GALNT13: variants seen among roughly 807,000 people sequenced by gnomAD.
GALNT13 encodes polypeptide N-acetylgalactosaminyltransferase 13.
In GALNT13, 28 loss-of-function variants were observed where a neutral mutation model predicts 64.2. The observed-to-expected ratio is 0.44, with a 90% CI of 0.32 to 0.60. The LOEUF (loss-of-function observed/expected upper bound fraction) is 0.60, where lower values mean the gene tolerates loss of function less well. GALNT13 is among the 20% of genes least tolerant of loss of function. The pLI, the probability that GALNT13 is intolerant of heterozygous loss-of-function variation, is 0.05. For missense variants in GALNT13, 577 were observed against 669.8 expected, an observed-to-expected ratio of 0.86 and a Z score of 1.53; for synonymous variants, 214 against 224.6, an observed-to-expected ratio of 0.95 and a Z score of 0.42.
chr2:153,542,171 T>A, the GALNT13 span, among the ~76,000 whole-genome samples: 4 of 151,796 alleles, frequency 2.6e-5, no homozygotes, highest in African/African-American at 9.7e-5. Flanking sequence ...TACAAAAAAA[T>A]TAGCCAGTCG....
the GALNT13 span, among the ~76,000 whole-genome samples, chr2:153,711,457 T>G: frequency 1.3e-5 from 2 of 152,176 alleles, no homozygotes; most frequent in African/African-American, 4.8e-5. Context: ...TCTCTCATTG[T>G]AATCCATGCG....
intron 3 of GALNT13, among the ~76,000 whole-genome samples, chr2:153,998,535 T>C (rs891098185): frequency 6.6e-6 from 1 of 152,230 alleles, no homozygotes; most frequent in Non-Finnish European, 1.5e-5. Flanking sequence ...TTATAGATTA[T>C]GGAGATTAGC....
intron 4 of GALNT13, among the ~76,000 whole-genome samples, chr2:154,142,873 C>T (rs1683344348): frequency 1.3e-5 from 2 of 151,256 alleles, no homozygotes. Context: ...TATATAGATA[C>T]ATTTAAAAGT....
At chr2:153,171,146 A>C in the GALNT13 span, among the ~76,000 whole-genome samples, 1 of 152,342 alleles carries the variant, frequency 6.6e-6, no homozygotes, top group East Asian at 1.9e-4. Flanking sequence ...TGAGTGGTCT[A>C]AGCCAATTAT....
At chr2:153,625,268 A>T in the GALNT13 span, among the ~76,000 whole-genome samples, 1 of 152,050 alleles carries the variant, frequency 6.6e-6, no homozygotes, top group Admixed American at 6.6e-5. Context: ...ACAAAACCTG[A>T]TAGATGAAAT....
At chr2:153,180,905 A>AT in the GALNT13 span, among the ~76,000 whole-genome samples, 4 of 148,234 alleles carry the variant, frequency 2.7e-5, no homozygotes, top group African/African-American at 7.4e-5. Flanking sequence ...TTAATTGCCG[A>AT]TTTTTTCTTA....
At chr2:154,221,249 G>A (rs563822434) in intron 4 of GALNT13, among the ~76,000 whole-genome samples, 9 of 151,918 alleles carry the variant, frequency 5.9e-5, no homozygotes, top group East Asian at 1.9e-4. Flanking sequence ...CTTATCATAC[G>A]AATAATTATT....
At chr2:153,118,108 A>AACACACACAC in the GALNT13 span, among the ~76,000 whole-genome samples, 31 of 12,822 alleles carry the variant, frequency 2.4e-3, no homozygotes, top group Admixed American at 4.3e-3. Context: ...ACTATGTACC[A>AACACACACAC]ACACACACAC....
the GALNT13 span, among the ~76,000 whole-genome samples, chr2:153,546,589 C>T: frequency 6.6e-6 from 1 of 152,206 alleles, no homozygotes; most frequent in Admixed American, 6.5e-5. Context: ...CTCTACTTCA[C>T]CTCATTATCT....
the GALNT13 span, among the ~76,000 whole-genome samples, chr2:153,254,746 C>T: frequency 2.0e-5 from 3 of 151,774 alleles, no homozygotes; most frequent in East Asian, 5.8e-4. Context: ...CATTCAGGAG[C>T]AGGTTGTTCA....
intron 12 of GALNT13, among the ~76,000 whole-genome samples, chr2:154,449,414 A>G (rs1701759687): frequency 1.6e-5 from 2 of 125,188 alleles, no homozygotes; most frequent in African/African-American, 2.9e-5. Flanking sequence ...TTTTCAATGT[A>G]GTATCATGAG....
the GALNT13 span, among the ~76,000 whole-genome samples, chr2:153,554,656 A>ATGTGTGTGTGTGTG: frequency 3.4e-3 from 498 of 146,238 alleles, 4 homozygotes; most frequent in South Asian, 0.016. Flanking sequence ...GATGCTGTAT[A>ATGTGTGTGTGTGTG]TGTGTGTGTG....
rs561356852 is a variant in GALNT13 at position 154,208,793 on chromosome 2, C to A, written c.312-33237C>A. On this transcript the variant is annotated intron_variant, in intron 4 of 12. Coordinates refer to ENST00000392825, the MANE Select transcript of GALNT13 (RefSeq NM_052917.4). Reference sequence around the variant, plus strand: ...ATAATCACTTATCATACTTCAGCTACCCAATCTCTGAAAGTATATATATTT... The same window carrying A: ...ATAATCACTTATCATACTTCAGCTAACCAATCTCTGAAAGTATATATATTT... Among the ~76,000 whole-genome samples, 10 of 152,104 alleles carry A rather than the reference C, an allele frequency of 6.6e-5. No homozygotes were observed. The East Asian group carries it at 1.7e-3, about 26-fold the overall frequency.
At chr2:153,465,557 G>A in the GALNT13 span, among the ~76,000 whole-genome samples, 1 of 151,594 alleles carries the variant, frequency 6.6e-6, no homozygotes, top group Non-Finnish European at 1.5e-5. Context: ...ACAAAATCCT[G>A]TTAAATCCAT....
the GALNT13 span, among the ~76,000 whole-genome samples, chr2:153,263,615 C>T: frequency 6.6e-6 from 1 of 152,066 alleles, no homozygotes; most frequent in Non-Finnish European, 1.5e-5. Context: ...ACAAATGGAA[C>T]AGAATACAGA....
rs1245993548 is a variant in GALNT13, at chr2:154,035,334, G to A, written c.142+90695G>A. Among the ~76,000 whole-genome samples the A allele has an allele frequency of 2.6e-5, 4 of 151,808 alleles. No homozygotes were observed. The East Asian group carries it at 7.7e-4, about 29-fold the overall frequency. ...ACCTGTAGCTTAATTATTTTTATGT[G>A]GTATAAGTATTTATTAGAAATCAAA... On this transcript the variant is annotated intron_variant, in intron 3 of 12. Transcript: ENST00000392825.
intron 4 of GALNT13, among the ~76,000 whole-genome samples, chr2:154,173,699 A>G (rs944252009): frequency 2.0e-5 from 3 of 152,114 alleles, no homozygotes; most frequent in African/African-American, 7.2e-5. Context: ...AAACAACTCA[A>G]TAACAAAAAA....
At chr2:153,515,546 G>C in the GALNT13 span, among the ~76,000 whole-genome samples, 1 of 152,284 alleles carries the variant, frequency 6.6e-6, no homozygotes, top group Non-Finnish European at 1.5e-5. Flanking sequence ...AATAAACTAA[G>C]GCAGCATCGG....
intron 7 of GALNT13, among the ~76,000 whole-genome samples, chr2:154,246,849 C>A (rs745890359): frequency 1.4e-4 from 21 of 152,098 alleles, no homozygotes; most frequent in Non-Finnish European, 2.8e-4. Flanking sequence ...ACACTGTCAT[C>A]AATCTTATAA....
Sources: gnomAD v4.1 joint callset for allele counts (sites outside exome capture counted in the v4.1 genomes callset) on GRCh38, gnomAD v4.1.1 for gene constraint, MANE v1.5 for transcripts, NCBI Gene and HGNC (gene_info 2026-07-23, HGNC 2026-07-21) for gene names.